Variants in MYO18B observed in about 807,000 individuals in gnomAD.
The protein encoded by MYO18B is myosin XVIIIB.
Under a neutral mutation model 273.0 loss-of-function variants are expected in MYO18B, and 204 were observed. That is an observed-to-expected ratio of 0.75 (90% CI 0.67 to 0.84). MYO18B has a LOEUF of 0.84. Among genes scored for constraint, MYO18B ranks in the 40% least tolerant of loss-of-function variants. The probability of loss-of-function intolerance (pLI) is 0.00; values close to 1 mark genes in which losing one functional copy is unlikely to be tolerated. For missense variants in MYO18B, 3,212 were observed against 3,287.6 expected, an observed-to-expected ratio of 0.98 and a Z score of 0.56; for synonymous variants, 1,330 against 1,305.7, an observed-to-expected ratio of 1.02 and a Z score of -0.40.
At chr22:26,062,467 A>G in the MYO18B span, among the ~76,000 whole-genome samples, 68 of 152,214 alleles carry the variant, frequency 4.5e-4, no homozygotes, top group Non-Finnish European at 9.1e-4. Context: ...GCCAAGAGCC[A>G]TAACAGAATT....
At chr22:25,880,297 T>C (rs1302277821) in intron 25 of MYO18B, among the ~76,000 whole-genome samples, 1 of 152,134 alleles carries the variant, frequency 6.6e-6, no homozygotes, top group Non-Finnish European at 1.5e-5. Context: ...TTTAAGTAAA[T>C]GCAAAATTTG....
chr22:25,978,896 G>A (rs1206264420), intron 39 of MYO18B, among the ~76,000 whole-genome samples: 5 of 152,188 alleles, frequency 3.3e-5, no homozygotes, highest in South Asian at 4.1e-4. Flanking sequence ...GCAGTGAGCC[G>A]AGATTGCTTC....
chr22:25,830,891 G>GT, intron 15 of MYO18B, among the ~76,000 whole-genome samples: 1 of 152,278 alleles, frequency 6.6e-6, no homozygotes, highest in African/African-American at 2.4e-5. Context: ...CAAAGGGGCC[G>GT]TTTTGAACAT....
chr22:25,979,174 A>G (rs924887849), intron 39 of MYO18B, among the ~76,000 whole-genome samples: 7 of 152,194 alleles, frequency 4.6e-5, no homozygotes, highest in African/African-American at 1.7e-4. Flanking sequence ...CTATTTCTGC[A>G]ATCACGTGGG....
At chr22:26,036,104 G>T in the MYO18B span, among the ~76,000 whole-genome samples, 1 of 152,216 alleles carries the variant, frequency 6.6e-6, no homozygotes, top group Non-Finnish European at 1.5e-5. Flanking sequence ...GCAGCTAGAA[G>T]AGGCAGGTGT....
At chr22:25,789,256 C>T (rs755302020) in intron 11 of MYO18B, among the ~76,000 whole-genome samples, 2 of 151,976 alleles carry the variant, frequency 1.3e-5, no homozygotes, top group Non-Finnish European at 2.9e-5. Flanking sequence ...CTTGGCAGCA[C>T]GTCTTGTTTT....
chr22:26,038,488 C>G, the MYO18B span, among the ~76,000 whole-genome samples: 11 of 152,286 alleles, frequency 7.2e-5, no homozygotes, highest in Non-Finnish European at 4.4e-5. Flanking sequence ...GATTCACAGC[C>G]ATTGCTATGG....
intron 33 of MYO18B, among the ~76,000 whole-genome samples, chr22:25,914,090 A>G (rs986761328): frequency 6.6e-6 from 1 of 152,020 alleles, no homozygotes; most frequent in Non-Finnish European, 1.5e-5. Flanking sequence ...TTTTCCTGCA[A>G]TTACCATGTA....
Position 25,947,754 on chromosome 22 carries a change from C to T in MYO18B, c.5674C>T (p.Leu1892Phe), listed in dbSNP as rs747665843. ...LYRLQFEKAD[L>F]LKRIDEDQDD... ...CAGGCTGCAGTTTGAGAAGGCGGAC[C>T]TCCTGAAGCGCATCGATGAGGACCA... Residue 1892 changes from leucine (L) to phenylalanine (F), a missense_variant, in exon 36 of 44, where the codon CTC (leucine) becomes TTC (phenylalanine). By Grantham distance (22) the Leu-to-Phe change is conservative. Transcript: ENST00000335473. 11 of 1,613,824 alleles carry T rather than the reference C, an allele frequency of 6.8e-6. No homozygotes were observed. The highest frequency in any genetic ancestry group is 8.5e-6 in the Non-Finnish European group (10 of 1,179,874).
At chr22:25,847,374 C>G in intron 19 of MYO18B, 56 bp from the exon 20 acceptor site, 1 of 1,467,742 alleles carries the variant, frequency 6.8e-7, no homozygotes, top group Non-Finnish European at 9.3e-7. Flanking sequence ...AGGGTCCAGT[C>G]CCCTTTCTGT....
chr22:26,012,963 C>G (rs755222510), intron 42 of MYO18B, among the ~76,000 whole-genome samples: 17 of 152,120 alleles, frequency 1.1e-4, no homozygotes, highest in Non-Finnish European at 1.9e-4. Flanking sequence ...TTCCTTGTGC[C>G]CATTCAAGCC....
intron 8 of MYO18B, among the ~76,000 whole-genome samples, chr22:25,779,330 T>C (rs2087043141): frequency 6.6e-6 from 1 of 152,236 alleles, no homozygotes; most frequent in Non-Finnish European, 1.5e-5. Context: ...GAGGACTAGA[T>C]TTAATTAGTT....
intron 21 of MYO18B, among the ~76,000 whole-genome samples, chr22:25,865,873 T>A (rs1012014804): frequency 2.6e-5 from 4 of 152,186 alleles, no homozygotes; most frequent in Non-Finnish European, 4.4e-5. Flanking sequence ...TTTCTTCTTA[T>A]GTAGAGAAAA....
At chr22:25,766,955 G>C (rs1368260705) in intron 3 of MYO18B, among the ~76,000 whole-genome samples, 2 of 152,244 alleles carry the variant, frequency 1.3e-5, no homozygotes, top group African/African-American at 4.8e-5. Context: ...AAGAGACATA[G>C]ATGTGAAGCT....
chr22:25,847,129 C>G (rs560353128), intron 19 of MYO18B, among the ~76,000 whole-genome samples: 1 of 151,948 alleles, frequency 6.6e-6, no homozygotes, highest in South Asian at 2.1e-4. Flanking sequence ...CCTCCTAGTG[C>G]GTTATAGTGG....
rs1272515932 is a variant in MYO18B, at chr22:25,835,418, C to T, written c.3183C>T (p.Phe1061=). 18 of 1,613,852 alleles carry T rather than the reference C, an allele frequency of 1.1e-5. No individual in the cohort carries two copies. The highest frequency in any genetic ancestry group is 1.3e-5 in the African/African-American group (1 of 75,016). ...SVVLERLCAA[F]EKKGAGTEGS... ...TGCTCGAGCGTCTGTGTGCTGCTTT[C>T]GAGAAGAAAGGAGCTGGGACTGAAG... The change falls in exon 17 of 44, where the codon TTC becomes TTT. Residue 1061 remains phenylalanine, a synonymous_variant. Transcript: ENST00000335473.
At chr22:25,849,027 G>T (rs565587113) in intron 20 of MYO18B, among the ~76,000 whole-genome samples, 2 of 152,322 alleles carry the variant, frequency 1.3e-5, no homozygotes, top group African/African-American at 4.8e-5. Flanking sequence ...CCTCCCACCC[G>T]CACAGCCGCA....
At chr22:25,792,997 T>C (rs1261118702) in intron 11 of MYO18B, among the ~76,000 whole-genome samples, 1 of 152,204 alleles carries the variant, frequency 6.6e-6, no homozygotes, top group Non-Finnish European at 1.5e-5. Context: ...GGCAGGGTCA[T>C]ACCCGATTAA....
the MYO18B span, among the ~76,000 whole-genome samples, chr22:26,036,865 G>A: frequency 6.6e-6 from 1 of 152,304 alleles, no homozygotes; most frequent in African/African-American, 2.4e-5. Context: ...CAATTAAAGA[G>A]CAATTTTCAT....
Sources: gnomAD v4.1 joint callset for allele counts (sites outside exome capture counted in the v4.1 genomes callset) on GRCh38, gnomAD v4.1.1 for gene constraint, MANE v1.5 for transcripts, NCBI Gene and HGNC (gene_info 2026-07-23, HGNC 2026-07-21) for gene names.